EIF2B1: variants seen among roughly 807,000 people sequenced by gnomAD.
EIF2B1 encodes the protein translation initiation factor eIF2B subunit alpha.
EIF2B1 carries 30 observed loss-of-function variants against 36.8 expected under a neutral mutation model. That is an observed-to-expected ratio of 0.81 (90% CI 0.61 to 1.10). The LOEUF is 1.10. EIF2B1 is among the 50% of genes least tolerant of loss of function. The pLI is 0.00. For missense variants in EIF2B1, 271 were observed against 374.8 expected (o/e 0.72, Z 2.29); for synonymous variants, 139 against 142.2 (o/e 0.98, Z 0.16).
chr12:123,626,607 G>T (rs1955150742), intron 5 of EIF2B1, 114 bp from the exon 6 acceptor site: 9 of 1,190,222 alleles, frequency 7.6e-6, no homozygotes, highest in Non-Finnish European at 8.7e-6. Context: ...ATACTAATGG[G>T]TTAAGGGGCA....
Position 123,621,888 on chromosome 12 carries a change from A to G in EIF2B1, c.786T>C (p.Thr262=). The G allele has an allele frequency of 9.9e-6, 16 of 1,614,116 alleles. No individual in the cohort carries two copies. The highest frequency in any genetic ancestry group is 1.4e-5 in the Non-Finnish European group (16 of 1,180,038). The change falls in exon 9 of 9, where the codon ACT becomes ACC. Residue 262 remains threonine (T), a synonymous_variant. Transcript: ENST00000424014. ...YKADTLKVAQ[T]GQDLKEEHPW... is the part of the protein sequence containing the mutation. Reference sequence around the variant, plus strand: ...GATGCTCCTCTTTGAGGTCTTGTCCAGTCTGCGCGACCTTGAGAGTGTCTG... The same window carrying G: ...GATGCTCCTCTTTGAGGTCTTGTCCGGTCTGCGCGACCTTGAGAGTGTCTG...
At position 123,631,437 on chromosome 12, in the gene EIF2B1, G is replaced by A. The variant is rs1359245973; in HGVS notation, c.116-904C>T. On this transcript the variant is annotated intron_variant, in intron 2 of 8. Coordinates refer to ENST00000424014, the MANE Select transcript of EIF2B1 (RefSeq NM_001414.4). ...CCTGTAATCTCAGCACTTTGGGAGG[G>A]CGAGGCGGACGGATCACCTGAGGCT... is the stretch of plus-strand genomic sequence containing the variant. Among the ~76,000 whole-genome samples the A allele has an allele frequency of 2.0e-5, 3 of 151,578 alleles. No homozygotes were observed. The South Asian group carries it at 6.3e-4, about 32-fold the overall frequency.
rs944357736 is a variant in EIF2B1, at chr12:123,630,151, T to C, written c.369+18A>G. ...AAACCGTTGCTCCTCCTTACCACCATGATGATTATCCACTCACCGCTCCAT... is the reference window on the plus strand; with the variant it reads ...AAACCGTTGCTCCTCCTTACCACCACGATGATTATCCACTCACCGCTCCAT... On this transcript the variant is annotated intron_variant, in intron 4 of 8. Coordinates refer to ENST00000424014, the MANE Select transcript of EIF2B1 (RefSeq NM_001414.4). The surrounding 1 kb of genome is among the most constrained non-coding windows in gnomAD (Gnocchi z 4.6). The C allele has an allele frequency of 6.2e-7, 1 of 1,609,346 alleles. No homozygotes were observed. Among genetic ancestry groups the C allele is most frequent in the Non-Finnish European group, 8.5e-7 (1 of 1,176,296 alleles).
intron 7 of EIF2B1, 113 bp downstream of exon 7, chr12:123,624,674 C>A (rs1159044380): frequency 1.0e-5 from 9 of 901,206 alleles, no homozygotes; most frequent in Non-Finnish European, 1.8e-6. Context: ...ATGATGAAGT[C>A]CTGAAGTGAA....
rs1337288734 is a variant in EIF2B1, at chr12:123,621,909, G to A, written c.765C>T (p.Asp255=). 6.8e-6 allele frequency: 11 copies of A among 1,613,906 alleles called. No individual in the cohort carries two copies. The Admixed American group carries it at 1.5e-4, about 22-fold the overall frequency. Residue 255 remains aspartate, a synonymous_variant, in exon 9 of 9, where the codon GAC becomes GAT. Transcript: ENST00000424014. ...GTCCAGTCTGCGCGACCTTGAGAGT[G>A]TCTGCCTTATACTGAGGAGAGAAGT... ...DVPDKFKYKA[D]TLKVAQTGQD... is the part of the protein sequence containing the mutation.
rs750651863 is a variant in EIF2B1 at position 123,633,620 on chromosome 12, G to A, written c.-63C>T. On this transcript the variant is annotated 5_prime_UTR_variant, in exon 1 of 9. Coordinates refer to ENST00000424014, the MANE Select transcript of EIF2B1 (RefSeq NM_001414.4). The stretch of plus-strand genomic sequence containing the variant: ...CGCCCGCGCTGTCTCGAACGGGTCC[G>A]CCGGCCGCGCCGCCTGCGAGCCAGT... The A allele has an allele frequency of 7.5e-6, 12 of 1,596,576 alleles. No homozygotes were observed. The East Asian group carries it at 2.2e-4, about 30-fold the overall frequency.
chr12:123,624,275 T>TA (rs1555285258), intron 7 of EIF2B1, among the ~76,000 whole-genome samples: 2 of 143,240 alleles, frequency 1.4e-5, no homozygotes, highest in African/African-American at 2.7e-5. Context: ...TTTTTTTTTT[T>TA]ACTGAGACAG....
At chr12:123,629,710 G>C (rs1486361486) in intron 4 of EIF2B1, among the ~76,000 whole-genome samples, 1 of 152,148 alleles carries the variant, frequency 6.6e-6, no homozygotes, top group Non-Finnish European at 1.5e-5. Flanking sequence ...GGAGAATGGT[G>C]TGAACCCAGG....
At chr12:123,633,466 T>C in intron 1 of EIF2B1, 79 bp downstream of exon 1, 1 of 1,597,092 alleles carries the variant, frequency 6.3e-7, no homozygotes, top group Non-Finnish European at 8.6e-7. Flanking sequence ...CTTCGGGAGC[T>C]CAGCCTGGAT....
At position 123,630,572 on chromosome 12, in the gene EIF2B1, G is replaced by C. The variant is rs191202290; in HGVS notation, c.116-39C>G. 33 of 1,607,994 alleles carry C rather than the reference G, an allele frequency of 2.1e-5. No individual in the cohort carries two copies. In the East Asian group the frequency reaches 5.8e-4, roughly 28 times the overall value. On this transcript the variant is annotated intron_variant, in intron 2 of 8. Transcript: ENST00000424014. This position sits in a 1 kb window ranked among gnomAD's most constrained non-coding sequence, Gnocchi z 4.6. ...ACAAGGAATGTGATGTTCACATTAG[G>C]GCCACAGCCCCGACCTGTATCTTCA...
In EIF2B1 at chr12:123,621,100, C is replaced by CCAAA. The variant is rs1955088471; in HGVS notation, c.*652_*655dup. 1 of 154,708 alleles carries CCAAA rather than the reference C, an allele frequency of 6.5e-6. No homozygotes were observed. Among genetic ancestry groups the CCAAA allele is most frequent in the Admixed American group, 6.3e-5 (1 of 15,768 alleles). The allele number at this position is 154,708 out of a possible 1,614,324, so 9.6% of individuals were successfully genotyped here. On this transcript the variant is annotated 3_prime_UTR_variant, in exon 9 of 9. Transcript: ENST00000424014. ...ATAATTTTAAAAAGCTGTTTAGGACCCAAACATATTTAAACATCTCTTACA... is the reference window on the plus strand; with the variant it reads ...ATAATTTTAAAAAGCTGTTTAGGACCCAAACAAACATATTTAAACATCTCTTACA...
At chr12:123,622,858 C>T (rs1438958067) in intron 7 of EIF2B1, 97 bp from the exon 8 acceptor site, 6 of 1,583,596 alleles carry the variant, frequency 3.8e-6, no homozygotes, top group African/African-American at 1.3e-5. Flanking sequence ...TGCCTGTATT[C>T]CAGCATTTTG....
chr12:123,627,179 C>A (rs377035152), intron 4 of EIF2B1, 23 bp from the exon 5 acceptor site: 17 of 1,598,112 alleles, frequency 1.1e-5, no homozygotes, highest in Admixed American at 1.0e-4. Flanking sequence ...AAAGCTTTGT[C>A]AAAGGGGCAG....
At chr12:123,623,410 A>G (rs1445114428) in intron 7 of EIF2B1, among the ~76,000 whole-genome samples, 1 of 152,190 alleles carries the variant, frequency 6.6e-6, no homozygotes, top group Non-Finnish European at 1.5e-5. Context: ...ATTTAAAAAA[A>G]CAAGTGTTGG....
At position 123,630,939 on chromosome 12, in the gene EIF2B1, A is replaced by G. The variant is rs1284671162; in HGVS notation, c.116-406T>C. ...GGGAAGACACTGGAGGTTGCCTTAA[A>G]GACATGTGTCTCTAGGCAAGCCCTT... On this transcript the variant is annotated intron_variant, in intron 2 of 8. Transcript: ENST00000424014. This position sits in a 1 kb window ranked among gnomAD's most constrained non-coding sequence, Gnocchi z 4.6. Among the ~76,000 whole-genome samples the G allele has an allele frequency of 6.6e-6, 1 of 152,222 alleles. No individual in the cohort carries two copies. Among genetic ancestry groups the G allele is most frequent in the Non-Finnish European group, 1.5e-5 (1 of 68,042 alleles).
chr12:123,625,013 C>T (rs1373928774), intron 6 of EIF2B1, 151 bp from the exon 7 acceptor site: 1 of 696,708 alleles, frequency 1.4e-6, no homozygotes, highest in East Asian at 2.9e-5. Context: ...GCGATAGACC[C>T]CTGGCATTGT....
Position 123,627,176 on chromosome 12 carries a change from T to G in EIF2B1, c.370-20A>C, listed in dbSNP as rs7298287. 5 of 1,603,436 alleles carry G rather than the reference T, an allele frequency of 3.1e-6. No homozygotes were observed. In the Admixed American group the frequency reaches 5.0e-5, roughly 16 times the overall value. ...TATTGTCTGTGGACCGAGAAAGCTT[T>G]GTCAAAGGGGCAGGCTCCTTGCTGC... On this transcript the variant is annotated intron_variant, in intron 4 of 8. Coordinates refer to ENST00000424014, the MANE Select transcript of EIF2B1 (RefSeq NM_001414.4).
chr12:123,622,786 A>G, intron 7 of EIF2B1, 25 bp from the exon 8 acceptor site: 1 of 1,612,906 alleles, frequency 6.2e-7, no homozygotes, highest in Non-Finnish European at 8.5e-7. Flanking sequence ...AATGGAATGG[A>G]TGAGCTCTAG....
intron 4 of EIF2B1, among the ~76,000 whole-genome samples, chr12:123,628,609 G>A (rs1955166134): frequency 6.6e-6 from 1 of 151,976 alleles, no homozygotes; most frequent in Admixed American, 6.6e-5. Flanking sequence ...AGCAATCTGC[G>A]TGTCTTGGCT....
Sources: allele counts gnomAD v4.1 joint callset (sites outside exome capture counted in the v4.1 genomes callset), GRCh38; gene constraint gnomAD v4.1.1; non-coding constraint Gnocchi (gnomAD v3.1); transcripts MANE v1.5; gene names NCBI Gene and HGNC (gene_info 2026-07-23, HGNC 2026-07-21).